The following HUNK variants were observed in gnomAD, a reference collection of about 807,000 sequenced individuals.
HUNK encodes the protein hormonally up-regulated Neu-associated kinase.
Under a neutral mutation model 61.0 loss-of-function variants are expected in HUNK, and 21 were observed. The observed-to-expected ratio is 0.34, with a 90% CI of 0.24 to 0.50. The LOEUF is 0.50. Among genes scored for constraint, HUNK ranks in the 20% least tolerant of loss-of-function variants. HUNK has a pLI of 0.98. For missense variants in HUNK, 772 were observed against 945.7 expected, an observed-to-expected ratio of 0.82 and a Z score of 2.41; for synonymous variants, 371 against 386.1, an observed-to-expected ratio of 0.96 and a Z score of 0.46.
intron 1 of HUNK, among the ~76,000 whole-genome samples, chr21:31,900,971 G>A (rs2052462957): frequency 6.6e-6 from 1 of 151,994 alleles, no homozygotes; most frequent in Non-Finnish European, 1.5e-5. Context: ...TCTCTTCCAG[G>A]CCCCTCTCCC....
intron 1 of HUNK, among the ~76,000 whole-genome samples, chr21:31,910,195 A>C (rs568371298): frequency 6.6e-6 from 1 of 152,288 alleles, no homozygotes; most frequent in South Asian, 2.1e-4. Context: ...AACAACAGAC[A>C]TTGATGTTGT....
At chr21:31,916,530 G>A (rs1457359241) in intron 1 of HUNK, among the ~76,000 whole-genome samples, 1 of 152,086 alleles carries the variant, frequency 6.6e-6, no homozygotes, top group African/African-American at 2.4e-5. Flanking sequence ...TTCCTCGGCA[G>A]TCAGCAAGTG....
intron 1 of HUNK, among the ~76,000 whole-genome samples, chr21:31,915,351 A>G (rs1052883412): frequency 1.3e-5 from 2 of 152,282 alleles, no homozygotes; most frequent in East Asian, 3.9e-4. Flanking sequence ...CTGGGAAGAA[A>G]GCTTTTTTGG....
intron 1 of HUNK, among the ~76,000 whole-genome samples, chr21:31,909,560 C>T (rs373870614): frequency 7.2e-5 from 11 of 152,202 alleles, no homozygotes; most frequent in African/African-American, 2.6e-4. Context: ...AACTTTTTCC[C>T]TCAACAAAAA....
At chr21:31,965,150 A>G (rs369003162) in intron 5 of HUNK, among the ~76,000 whole-genome samples, 4 of 152,296 alleles carry the variant, frequency 2.6e-5, no homozygotes, top group South Asian at 4.1e-4. Flanking sequence ...TTATTATAGA[A>G]CATGGATGGA....
intron 1 of HUNK, among the ~76,000 whole-genome samples, chr21:31,887,218 C>T (rs930684969): frequency 2.0e-5 from 3 of 152,284 alleles, no homozygotes; most frequent in Admixed American, 2.0e-4. Context: ...CTAACCAGAA[C>T]CAGACAGTAT....
At chr21:31,994,684 T>C (rs1436145553) in intron 9 of HUNK, among the ~76,000 whole-genome samples, 1 of 151,742 alleles carries the variant, frequency 6.6e-6, no homozygotes, top group Non-Finnish European at 1.5e-5. Context: ...TTAATTTTAG[T>C]TCAGTTCAGT....
In HUNK at chr21:32,001,646, G is replaced by C. The variant is rs1180647508; in HGVS notation, c.*2462G>C. ...GAGGGGGAGTGATGAAAGGGGATCA[G>C]CTGTATTTGTGTGTGTGTGTGTGTG... is the stretch of plus-strand genomic sequence containing the variant. On this transcript the variant is annotated 3_prime_UTR_variant, in exon 11 of 11. Coordinates refer to ENST00000270112, the MANE Select transcript of HUNK (RefSeq NM_014586.2). The C allele has an allele frequency of 7.3e-6, 1 of 137,818 alleles. No individual in the cohort carries two copies. Among genetic ancestry groups the C allele is most frequent in the Non-Finnish European group, 1.6e-5 (1 of 60,870 alleles). 8.5% of individuals were successfully genotyped at this position (137,818 alleles called of 1,614,324 possible).
At chr21:31,959,117 C>A in intron 5 of HUNK, 147 bp downstream of exon 5, 1 of 818,538 alleles carries the variant, frequency 1.2e-6, no homozygotes, top group Non-Finnish European at 1.7e-6. Flanking sequence ...ATAGAAGTGT[C>A]AAGGGGTGGT....
intron 1 of HUNK, among the ~76,000 whole-genome samples, chr21:31,900,825 G>A (rs1475865504): frequency 6.6e-6 from 1 of 152,220 alleles, no homozygotes; most frequent in Non-Finnish European, 1.5e-5. Context: ...TAGCCCTTGA[G>A]TACTGCATTC....
chr21:31,940,227 C>CTTT lies in HUNK; in HGVS notation c.610+19_610+21dup. ...AATAATATCAAGCTGATTGGTATGA[C>CTTT]TTTTTTTTTTTTTTAAGCAAAAGTA... On this transcript the variant is annotated splice_region_variant and intron_variant, in intron 3 of 10. Coordinates refer to ENST00000270112, the MANE Select transcript of HUNK (RefSeq NM_014586.2). 1.8e-5 allele frequency: 24 copies of CTTT among 1,299,966 alleles called. No individual in the cohort carries two copies. Among genetic ancestry groups the CTTT allele is most frequent in the African/African-American group, 7.9e-5 (5 of 62,912 alleles). The allele number at this position is 1,299,966 out of a possible 1,614,324, so 80.5% of individuals were successfully genotyped here.
intron 8 of HUNK, among the ~76,000 whole-genome samples, chr21:31,987,710 A>C (rs1200805480): frequency 6.6e-6 from 1 of 152,228 alleles, no homozygotes; most frequent in Non-Finnish European, 1.5e-5. Flanking sequence ...TACTTCTCTA[A>C]TTAAATGACA....
intron 2 of HUNK, among the ~76,000 whole-genome samples, chr21:31,937,040 T>C (rs2833564): frequency 0.041 from 6,253 of 152,250 alleles, 159 homozygotes; most frequent in Middle Eastern, 0.12. Flanking sequence ...ATAATCAGGG[T>C]TCACGGAATC....
intron 2 of HUNK, among the ~76,000 whole-genome samples, chr21:31,931,995 C>T (rs1217577269): frequency 6.6e-6 from 1 of 150,934 alleles, no homozygotes; most frequent in Non-Finnish European, 1.5e-5. Context: ...CGTGTGTATG[C>T]AACACGTATG....
At chr21:31,974,931 G>A (rs911941716) in intron 7 of HUNK, among the ~76,000 whole-genome samples, 1 of 151,936 alleles carries the variant, frequency 6.6e-6, no homozygotes, top group African/African-American at 2.4e-5. Flanking sequence ...CTCCCACCGA[G>A]TTAAGCCCTG....
In HUNK at chr21:31,958,829, G is replaced by T. The variant is rs771380358; in HGVS notation, c.747-14G>T. The T allele has an allele frequency of 6.3e-7, 1 of 1,579,564 alleles. No individual in the cohort carries two copies. Among genetic ancestry groups the T allele is most frequent in the South Asian group, 1.1e-5 (1 of 87,652 alleles). On this transcript the variant is annotated splice_polypyrimidine_tract_variant and intron_variant, in intron 4 of 10. Coordinates refer to ENST00000270112, the MANE Select transcript of HUNK (RefSeq NM_014586.2). ...GACCTGACTCCGCTTTCATGTGTAT[G>T]TCTCTCTTTTCAGAGGTGTGAACAT... is the stretch of plus-strand genomic sequence containing the variant.
intron 1 of HUNK, among the ~76,000 whole-genome samples, chr21:31,886,858 C>T (rs1247881431): frequency 6.6e-6 from 1 of 152,128 alleles, no homozygotes; most frequent in East Asian, 1.9e-4. Flanking sequence ...TCAGGCTGGT[C>T]TCGAACTCCT....
At chr21:31,885,003 C>T (rs929957502) in intron 1 of HUNK, among the ~76,000 whole-genome samples, 2 of 152,024 alleles carry the variant, frequency 1.3e-5, no homozygotes, top group African/African-American at 4.8e-5. Flanking sequence ...GTCTCGAACT[C>T]CTGACCTGAG....
chr21:31,962,643 G>A (rs772955542), intron 5 of HUNK, among the ~76,000 whole-genome samples: 4 of 152,208 alleles, frequency 2.6e-5, no homozygotes, highest in Non-Finnish European at 4.4e-5. Context: ...ATTCCTACAG[G>A]ACTTTGTTGT....
Sources: gnomAD v4.1 joint callset for allele counts (sites outside exome capture counted in the v4.1 genomes callset) on GRCh38, gnomAD v4.1.1 for gene constraint, MANE v1.5 for transcripts, NCBI Gene and HGNC (gene_info 2026-07-23, HGNC 2026-07-21) for gene names.